Variants in TANC2 observed in about 807,000 individuals in gnomAD.
TANC2 encodes tetratricopeptide repeat, ankyrin repeat and coiled-coil containing 2.
A neutral mutation model predicts 210.5 loss-of-function variants in TANC2; 26 were observed. The observed-to-expected ratio is 0.12, with a 90% CI of 0.09 to 0.17. The LOEUF (loss-of-function observed/expected upper bound fraction) is 0.17. TANC2 is among the 10% of genes least tolerant of loss of function. The pLI is 1.00. For synonymous variants in TANC2, 931 were observed against 967.1 expected (o/e 0.96, Z 0.69); for missense variants, 2,129 against 2,608.9 (o/e 0.82, Z 4.01).
At chr17:63,151,629 A>G (rs942857532) in intron 5 of TANC2, 6 of 153,324 alleles carry the variant, frequency 3.9e-5, no homozygotes, top group Admixed American at 2.6e-4. Context: ...ATTTTGGTAG[A>G]TAAGTAGTTT....
intron 7 of TANC2, among the ~76,000 whole-genome samples, chr17:63,207,916 A>G (rs2041772467): frequency 6.6e-6 from 1 of 152,168 alleles, no homozygotes; most frequent in Non-Finnish European, 1.5e-5. Flanking sequence ...CATTTTGCCA[A>G]TCTGGATGAT....
chr17:63,063,575 T>TGTGTGTGTGTGTGTGTGTGTAG (rs142486219), intron 2 of TANC2, among the ~76,000 whole-genome samples: 57 of 132,586 alleles, frequency 4.3e-4, no homozygotes, highest in Non-Finnish European at 4.0e-4. Flanking sequence ...TGTGTGTGTG[T>TGTGTGTGTGTGTGTGTGTGTAG]AGATATATCT....
chr17:63,218,488 A>G lies in TANC2; in HGVS notation c.769+17531A>G, dbSNP rs141020514. Among the ~76,000 whole-genome samples, 476 of 152,330 alleles carry G rather than the reference A, an allele frequency of 3.1e-3. 2 individuals are homozygous for G. Among genetic ancestry groups the G allele is most frequent in the Middle Eastern group, 0.027 (8 of 294 alleles). On this transcript the variant is annotated intron_variant, in intron 7 of 27. Coordinates refer to ENST00000689528, the Ensembl canonical transcript of TANC2. ...TCAATCAGTGAAATAAGATGAATAA[A>G]GTAAGTAAATAAAAGGCATCTAGAT...
At chr17:63,389,603 T>G (rs1176470784) in intron 17 of TANC2, 59 bp downstream of exon 17, 1 of 1,425,448 alleles carries the variant, frequency 7.0e-7, no homozygotes. Context: ...CGATGCATAC[T>G]CTTTCTTATC....
At chr17:63,240,109 C>T (rs1021362353) in intron 8 of TANC2, among the ~76,000 whole-genome samples, 4 of 152,182 alleles carry the variant, frequency 2.6e-5, no homozygotes, top group Non-Finnish European at 5.9e-5. Context: ...TGAAAAGTTC[C>T]AGGCAAGCCT....
intron 7 of TANC2, among the ~76,000 whole-genome samples, chr17:63,211,397 C>G: frequency 6.6e-6 from 1 of 152,064 alleles, no homozygotes; most frequent in Admixed American, 6.5e-5. Context: ...ATTGTTCTAG[C>G]GGCAATAGTT....
intron 3 of TANC2, among the ~76,000 whole-genome samples, chr17:63,095,313 C>T (rs752791742): frequency 6.6e-5 from 10 of 151,964 alleles, no homozygotes; most frequent in East Asian, 5.8e-4. Flanking sequence ...GTAGCTGGGA[C>T]GACAGGTACG....
chr17:63,103,478 CAT>C (rs2037707809), intron 4 of TANC2, among the ~76,000 whole-genome samples: 1 of 152,142 alleles, frequency 6.6e-6, no homozygotes, highest in African/African-American at 2.4e-5. Context: ...TCAAGAGAGA[CAT>C]AGACTTTGTG....
exon 14 of TANC2, chr17:63,355,079 C>T: frequency 1.2e-6 from 2 of 1,613,860 alleles, no homozygotes; most frequent in Non-Finnish European, 8.5e-7. Flanking sequence ...CTGTTTCGCT[C>T]TCAGAGGTTT....
rs2143135396 is a variant in TANC2 at position 62,966,565 on chromosome 17, G to A, written c.-208G>A. On this transcript the variant is annotated 5_prime_UTR_variant, in exon 1 of 28. Coordinates refer to ENST00000689528, the Ensembl canonical transcript of TANC2. This position sits in a 1 kb window ranked among gnomAD's most constrained non-coding sequence, Gnocchi z 5.1. ...CGCCGCTGACAGGAGCACCGCCGCG[G>A]GCTGCGCTCGCCGGCTGCGAGGCCC... 6.6e-6 allele frequency among the ~76,000 whole-genome samples: 1 copy of A among 151,022 alleles called. No homozygotes were observed. Among genetic ancestry groups the A allele is most frequent in the East Asian group, 2.0e-4 (1 of 5,106 alleles).
intron 14 of TANC2, among the ~76,000 whole-genome samples, chr17:63,364,378 A>G (rs138755807): frequency 2.1e-4 from 32 of 152,284 alleles, no homozygotes; most frequent in African/African-American, 7.2e-4. Flanking sequence ...CAAATCCAAA[A>G]TGAAATTTGG....
chr17:63,190,532 C>G (rs1248973578), intron 5 of TANC2, among the ~76,000 whole-genome samples: 1 of 151,862 alleles, frequency 6.6e-6, no homozygotes, highest in Admixed American at 6.6e-5. Flanking sequence ...AATTTTGGGC[C>G]CCTTATATTT....
intron 4 of TANC2, among the ~76,000 whole-genome samples, chr17:63,103,078 C>T (rs1343333012): frequency 2.0e-5 from 3 of 152,108 alleles, no homozygotes; most frequent in Non-Finnish European, 4.4e-5. Context: ...TGGAACCAGT[C>T]CCCCATGGAT....
At chr17:63,232,785 A>AG (rs1327666021) in intron 7 of TANC2, among the ~76,000 whole-genome samples, 1 of 152,210 alleles carries the variant, frequency 6.6e-6, no homozygotes. Flanking sequence ...CCTTGGGCAG[A>AG]GGGGGTGCAC....
chr17:62,967,002 T>G (rs932476745), intron 1 of TANC2: 1 of 152,260 alleles, frequency 6.6e-6, no homozygotes, highest in African/African-American at 2.4e-5. Flanking sequence ...AGAGCGTCTC[T>G]GGATGACGGG....
chr17:63,180,267 T>G (rs892405488), intron 5 of TANC2, among the ~76,000 whole-genome samples: 5 of 152,246 alleles, frequency 3.3e-5, no homozygotes, highest in Non-Finnish European at 5.9e-5. Flanking sequence ...TGGAATATGT[T>G]TAACACTCAA....
At chr17:63,300,193 G>A (rs1471969841) in intron 9 of TANC2, among the ~76,000 whole-genome samples, 1 of 152,160 alleles carries the variant, frequency 6.6e-6, no homozygotes, top group Non-Finnish European at 1.5e-5. Flanking sequence ...CAGCCTTGTA[G>A]TATAGTTTGA....
chr17:63,178,700 A>AT (rs2040676704), intron 5 of TANC2, among the ~76,000 whole-genome samples: 1 of 152,268 alleles, frequency 6.6e-6, no homozygotes, highest in South Asian at 2.1e-4. Context: ...AAGTCTTGAA[A>AT]TAGATGAGAA....
At chr17:62,983,943 C>CT (rs1187399603) in intron 1 of TANC2, among the ~76,000 whole-genome samples, 1 of 151,608 alleles carries the variant, frequency 6.6e-6, no homozygotes, top group East Asian at 1.9e-4. Flanking sequence ...TTTGTTGTGT[C>CT]TTTGTCTGGT....
Sources: allele counts gnomAD v4.1 joint callset (sites outside exome capture counted in the v4.1 genomes callset), GRCh38; gene constraint gnomAD v4.1.1; non-coding constraint Gnocchi (gnomAD v3.1); transcripts MANE v1.5; gene names NCBI Gene and HGNC (gene_info 2026-07-23, HGNC 2026-07-21).